FAM219A: variants seen among roughly 807,000 people sequenced by gnomAD.
FAM219A encodes the protein protein FAM219A.
In FAM219A, 7 loss-of-function variants were observed where a neutral mutation model predicts 23.4. That is an observed-to-expected ratio of 0.30 (90% CI 0.17 to 0.56). FAM219A has a LOEUF of 0.56. FAM219A is among the 20% of genes least tolerant of loss of function. The pLI, the probability that FAM219A is intolerant of heterozygous loss-of-function variation, is 0.92. For missense variants in FAM219A, 166 were observed against 246.9 expected (o/e 0.67, Z 2.20); for synonymous variants, 93 against 99.0 (o/e 0.94, Z 0.36).
At chr9:34,442,092 T>C (rs900301782) in intron 1 of FAM219A, among the ~76,000 whole-genome samples, 1 of 152,224 alleles carries the variant, frequency 6.6e-6, no homozygotes, top group Admixed American at 6.5e-5. Flanking sequence ...CTTCCTGGTA[T>C]GAAATACATA....
At position 34,398,840 on chromosome 9, in the gene FAM219A, G is replaced by A. The variant is rs1821318599; in HGVS notation, c.*2124C>T. ...TGGGTGGGAGAGGTGGGTTCAGATG[G>A]GGGCCAGTATGGGCCTTGTGGGTCC... On this transcript the variant is annotated 3_prime_UTR_variant, in exon 6 of 6. Transcript: ENST00000651358. The A allele has an allele frequency of 5.5e-6, 1 of 181,784 alleles. No individual in the cohort carries two copies. Among genetic ancestry groups the A allele is most frequent in the South Asian group, 1.2e-4 (1 of 8,038 alleles). The allele number at this position is 181,784 out of a possible 1,614,324, so 11.3% of individuals were successfully genotyped here.
rs1270771333 is a variant in FAM219A at position 34,415,953 on chromosome 9, T to C, written c.61-9989A>G. ...CTTACCCATCCAAAGCTTGACTTCA[T>C]GCTGTGCTTAGGCATTATAAGAAAC... is the stretch of plus-strand genomic sequence containing the variant. On this transcript the variant is annotated intron_variant, in intron 1 of 5. Transcript: ENST00000651358. 6.6e-5 allele frequency among the ~76,000 whole-genome samples: 10 copies of C among 151,996 alleles called. No homozygotes were observed. In the South Asian group the frequency reaches 1.7e-3, roughly 25 times the overall value.
At chr9:34,432,925 T>C (rs1302096548) in intron 1 of FAM219A, among the ~76,000 whole-genome samples, 3 of 152,234 alleles carry the variant, frequency 2.0e-5, no homozygotes, top group Non-Finnish European at 2.9e-5. Context: ...CTTGAACTCC[T>C]GGCCTCAAGG....
chr9:34,406,823 G>A (rs1161362734), intron 1 of FAM219A, among the ~76,000 whole-genome samples: 6 of 127,226 alleles, frequency 4.7e-5, no homozygotes, highest in Admixed American at 1.6e-4. Flanking sequence ...TTTTTTTTGA[G>A]ACGGAGTCTT....
intron 1 of FAM219A, among the ~76,000 whole-genome samples, chr9:34,441,702 C>T (rs751059136): frequency 6.6e-6 from 1 of 152,116 alleles, no homozygotes; most frequent in African/African-American, 2.4e-5. Flanking sequence ...GCTGTAAAAA[C>T]ATTAGGTGAA....
intron 1 of FAM219A, among the ~76,000 whole-genome samples, chr9:34,430,846 T>C (rs866285000): frequency 2.0e-5 from 3 of 150,260 alleles, no homozygotes; most frequent in Non-Finnish European, 3.0e-5. Context: ...TGTCTCCAAA[T>C]AACAACAACA....
chr9:34,457,420 C>G lies in FAM219A; in HGVS notation c.60+784G>C, dbSNP rs1027108630. The G allele has an allele frequency of 3.9e-5, 6 of 152,858 alleles. No individual in the cohort carries two copies. The highest frequency in any genetic ancestry group is 2.1e-4 in the South Asian group (1 of 4,848). The allele number at this position is 152,858 out of a possible 1,614,324, so 9.5% of individuals were successfully genotyped here. On this transcript the variant is annotated intron_variant, in intron 1 of 5. Transcript: ENST00000651358. The surrounding 1 kb of genome is among the most constrained non-coding windows in gnomAD (Gnocchi z 5.1). The stretch of plus-strand genomic sequence containing the variant: ...CATCATTCCTCCCTGACTCCGGGAC[C>G]GCGGACAGGCGGCAGGATCCGCGCC...
At chr9:34,436,584 G>A (rs760373600) in intron 1 of FAM219A, among the ~76,000 whole-genome samples, 3 of 152,184 alleles carry the variant, frequency 2.0e-5, no homozygotes, top group Admixed American at 6.5e-5. Context: ...TTATATGTTT[G>A]TCTATTTCTT....
At chr9:34,456,922 G>A (rs986519818) in intron 1 of FAM219A, among the ~76,000 whole-genome samples, 2 of 152,142 alleles carry the variant, frequency 1.3e-5, no homozygotes, top group Non-Finnish European at 2.9e-5. Context: ...GTGGTGATGG[G>A]TCCCTGCCGA....
chr9:34,440,058 C>T (rs1468811573), intron 1 of FAM219A, among the ~76,000 whole-genome samples: 1 of 152,180 alleles, frequency 6.6e-6, no homozygotes, highest in Non-Finnish European at 1.5e-5. Flanking sequence ...ATTCTCATAG[C>T]CTCAGGAAGA....
At chr9:34,447,991 C>T (rs192307157) in intron 1 of FAM219A, among the ~76,000 whole-genome samples, 1 of 152,198 alleles carries the variant, frequency 6.6e-6, no homozygotes, top group Non-Finnish European at 1.5e-5. Context: ...CCCACCTCAG[C>T]CTCCCTAATG....
At chr9:34,413,875 A>G (rs1821909947) in intron 1 of FAM219A, among the ~76,000 whole-genome samples, 2 of 152,216 alleles carry the variant, frequency 1.3e-5, no homozygotes, top group Non-Finnish European at 2.9e-5. Flanking sequence ...CCACTCTCTG[A>G]CAAGTGGGCA....
chr9:34,406,121 A>G (rs908455352), intron 1 of FAM219A, among the ~76,000 whole-genome samples, 157 bp from the exon 2 acceptor site: 5 of 152,218 alleles, frequency 3.3e-5, no homozygotes, highest in African/African-American at 1.2e-4. Flanking sequence ...GGGCAGACCC[A>G]TCTACCGTGG....
Position 34,418,132 on chromosome 9 carries a change from T to C in FAM219A, c.61-12168A>G, listed in dbSNP as rs370528954. Among the ~76,000 whole-genome samples the C allele has an allele frequency of 3.9e-5, 6 of 152,088 alleles. No homozygotes were observed. The South Asian group carries it at 1.2e-3, about 32-fold the overall frequency. On this transcript the variant is annotated intron_variant, in intron 1 of 5. Coordinates refer to ENST00000651358, the MANE Select transcript of FAM219A (RefSeq NM_001184940.2). ...TATTACCCTACCTATTATTTAGTTT[T>C]CAGAAATAGCTACTCAGGAACAGGG...
At chr9:34,408,260 C>T (rs1821711022) in intron 1 of FAM219A, among the ~76,000 whole-genome samples, 1 of 152,236 alleles carries the variant, frequency 6.6e-6, no homozygotes. Flanking sequence ...TAATAGACAG[C>T]ACCTGTCCTG....
intron 1 of FAM219A, among the ~76,000 whole-genome samples, chr9:34,438,903 C>T (rs1823047274): frequency 6.6e-6 from 1 of 152,222 alleles, no homozygotes; most frequent in Non-Finnish European, 1.5e-5. Context: ...TTGCTCTTTG[C>T]AATAAATCTT....
intron 1 of FAM219A, among the ~76,000 whole-genome samples, chr9:34,450,960 C>T (rs920572723): frequency 3.3e-5 from 5 of 152,320 alleles, no homozygotes; most frequent in Admixed American, 1.3e-4. Context: ...TCACATACCT[C>T]ACCGCCATCA....
At chr9:34,453,279 G>A (rs72735225) in intron 1 of FAM219A, among the ~76,000 whole-genome samples, 7,571 of 152,106 alleles carry the variant, frequency 0.05, 276 homozygotes, top group Non-Finnish European at 0.065. Context: ...TGTTCTCTCC[G>A]CCACTTTCAG....
At chr9:34,449,583 G>T (rs902382535) in intron 1 of FAM219A, among the ~76,000 whole-genome samples, 2 of 152,166 alleles carry the variant, frequency 1.3e-5, no homozygotes, top group African/African-American at 4.8e-5. Flanking sequence ...AATGGTGTGG[G>T]TTATAAAAGA....
Sources: allele counts gnomAD v4.1 joint callset (sites outside exome capture counted in the v4.1 genomes callset), GRCh38; gene constraint gnomAD v4.1.1; non-coding constraint Gnocchi (gnomAD v3.1); transcripts MANE v1.5; gene names NCBI Gene and HGNC (gene_info 2026-07-23, HGNC 2026-07-21).